GABRG2: variants seen among roughly 807,000 people sequenced by gnomAD.
GABRG2 encodes gamma-aminobutyric acid receptor subunit gamma-2.
Under a neutral mutation model 56.4 loss-of-function variants are expected in GABRG2, and 16 were observed. That is an observed-to-expected ratio of 0.28 (90% CI 0.19 to 0.43). GABRG2 has a LOEUF of 0.43. Among genes scored for constraint, GABRG2 ranks in the 20% least tolerant of loss-of-function variants. The pLI, the probability that GABRG2 is intolerant of heterozygous loss-of-function variation, is 1.00. For synonymous variants in GABRG2, 208 were observed against 205.5 expected, an observed-to-expected ratio of 1.01 and a Z score of -0.10; for missense variants, 327 against 582.7, an observed-to-expected ratio of 0.56 and a Z score of 4.52.
intron 7 of GABRG2, among the ~76,000 whole-genome samples, chr5:162,146,879 T>C (rs1764989351): frequency 6.6e-6 from 1 of 152,194 alleles, no homozygotes; most frequent in Non-Finnish European, 1.5e-5. Context: ...CAAGTACGTA[T>C]TTAGGAAACT....
At chr5:162,080,747 G>A (rs1413133220) in intron 1 of GABRG2, among the ~76,000 whole-genome samples, 1 of 152,074 alleles carries the variant, frequency 6.6e-6, no homozygotes, top group African/African-American at 2.4e-5. Context: ...TAACTCAAGT[G>A]CTGACTTTTA....
chr5:162,124,469 G>T (rs868655266), intron 6 of GABRG2, among the ~76,000 whole-genome samples: 6 of 151,784 alleles, frequency 4.0e-5, no homozygotes, highest in East Asian at 3.9e-4. Context: ...CATAGAATAG[G>T]TATGCCCTTT....
At chr5:162,144,054 A>T (rs1764775714) in intron 7 of GABRG2, among the ~76,000 whole-genome samples, 1 of 152,210 alleles carries the variant, frequency 6.6e-6, no homozygotes, top group African/African-American at 2.4e-5. Flanking sequence ...GTCTAATGCT[A>T]CACGCTGAAA....
At chr5:162,140,385 T>C (rs898420660) in intron 6 of GABRG2, among the ~76,000 whole-genome samples, 3 of 152,218 alleles carry the variant, frequency 2.0e-5, no homozygotes, top group African/African-American at 7.2e-5. Context: ...GGGGACAGTC[T>C]ACTCCCTCAA....
chr5:162,097,587 A>G, intron 3 of GABRG2, 51 bp from the exon 4 acceptor site: 1 of 1,326,628 alleles, frequency 7.5e-7, no homozygotes, highest in East Asian at 2.3e-5. Flanking sequence ...AATATTTAAA[A>G]AGATAATCTT....
rs568802462 is a variant in GABRG2, at chr5:162,074,572, GAATAT to G, written c.107+6472_107+6476del. On this transcript the variant is annotated intron_variant, in intron 1 of 9. Transcript: ENST00000639213. Reference sequence around the variant, plus strand: ...ATAAATAAAATGGCAAAAACAAGCTGAATATAATATGTCATTATAATCTTGATAGG... The same window carrying G: ...ATAAATAAAATGGCAAAAACAAGCTGAATATGTCATTATAATCTTGATAGG... 2.0e-4 allele frequency among the ~76,000 whole-genome samples: 31 copies of G among 152,038 alleles called. 1 individual carries two copies. The East Asian group carries it at 5.2e-3, about 26-fold the overall frequency.
rs561313363 is a variant in GABRG2, at chr5:162,118,378, T to G, written c.769+14352T>G. Among the ~76,000 whole-genome samples the G allele has an allele frequency of 1.3e-4, 20 of 152,238 alleles. 1 individual carries two copies. In the South Asian group the frequency reaches 3.7e-3, roughly 28 times the overall value. On this transcript the variant is annotated intron_variant, in intron 6 of 9. Coordinates refer to ENST00000639213, the MANE Select transcript of GABRG2 (RefSeq NM_198904.4). ...CTCTAACCTAATATGTCTAGTTTTC[T>G]TTTTATAGAAACAAGAGTGAGGTGG...
intron 6 of GABRG2, among the ~76,000 whole-genome samples, chr5:162,107,714 C>A (rs1316299686): frequency 1.3e-5 from 2 of 152,178 alleles, no homozygotes; most frequent in Admixed American, 1.3e-4. Context: ...ATAATTCCTT[C>A]CTGATTGTTC....
chr5:162,117,340 T>C (rs1301858043), intron 6 of GABRG2, among the ~76,000 whole-genome samples: 2 of 152,154 alleles, frequency 1.3e-5, no homozygotes, highest in African/African-American at 4.8e-5. Context: ...ACCAGAATCA[T>C]CTCCTTGTCA....
At chr5:162,143,987 T>G (rs557115189) in intron 7 of GABRG2, among the ~76,000 whole-genome samples, 3 of 152,334 alleles carry the variant, frequency 2.0e-5, no homozygotes, top group African/African-American at 7.2e-5. Flanking sequence ...ATTTTGATTT[T>G]TCCTGTTATA....
chr5:162,109,388 TAATATATATATATA>T (rs1762076674), intron 6 of GABRG2, among the ~76,000 whole-genome samples: 1 of 39,168 alleles, frequency 2.6e-5, no homozygotes, highest in African/African-American at 8.8e-5. Context: ...ACTTAAAGTA[TAATATATATATATA>T]TATATATATA....
Position 162,155,303 on chromosome 5 carries a change from A to G in GABRG2, c.*1935A>G, listed in dbSNP as rs765480194. The G allele has an allele frequency of 9.2e-5, 14 of 152,650 alleles. No homozygotes were observed. Among genetic ancestry groups the G allele is most frequent in the Non-Finnish European group, 1.6e-4 (11 of 68,014 alleles). The allele number at this position is 152,650 out of a possible 1,614,324, so 9.5% of individuals were successfully genotyped here. A position where few individuals can be genotyped will look rare whatever the true frequency, so the allele number is the denominator to read the frequency against. The stretch of plus-strand genomic sequence containing the variant: ...TTTGGGAGAGTTGTTGGCAAGTTTC[A>G]ATGGTGAGAAACATTATTGTCAACT... On this transcript the variant is annotated 3_prime_UTR_variant, in exon 10 of 10. Transcript: ENST00000639213.
intron 6 of GABRG2, among the ~76,000 whole-genome samples, chr5:162,125,803 G>T (rs533527439): frequency 6.6e-6 from 1 of 151,806 alleles, no homozygotes; most frequent in Non-Finnish European, 1.5e-5. Context: ...ATGAGGGAAG[G>T]TTATAAGGTC....
intron 6 of GABRG2, among the ~76,000 whole-genome samples, chr5:162,112,108 T>C (rs561387316): frequency 6.6e-6 from 1 of 152,104 alleles, no homozygotes; most frequent in African/African-American, 2.4e-5. Flanking sequence ...AATTCAAAAA[T>C]TGTTGAATCC....
chr5:162,078,754 A>G (rs116201524), intron 1 of GABRG2, among the ~76,000 whole-genome samples: 2,601 of 151,928 alleles, frequency 0.017, 94 homozygotes, highest in African/African-American at 0.06. Context: ...CAGAATTTTC[A>G]TCAGTGTGAT....
At chr5:162,094,259 AC>A (rs1200091758) in intron 2 of GABRG2, 6 of 427,814 alleles carry the variant, frequency 1.4e-5, no homozygotes, top group South Asian at 1.2e-4. Context: ...GAAAAAAAAA[AC>A]AATGACCCCT....
chr5:162,094,688 G>A (rs150167875), intron 2 of GABRG2: 1 of 152,458 alleles, frequency 6.6e-6, no homozygotes, highest in Non-Finnish European at 1.5e-5. Context: ...GAGAAGGCAA[G>A]GATGTGAATG....
At chr5:162,141,750 G>C (rs1457283914) in intron 6 of GABRG2, among the ~76,000 whole-genome samples, 1 of 152,116 alleles carries the variant, frequency 6.6e-6, no homozygotes, top group Admixed American at 6.5e-5. Flanking sequence ...TTTTTATAAA[G>C]ATTTTGTCCT....
intron 1 of GABRG2, among the ~76,000 whole-genome samples, chr5:162,078,877 T>G (rs962134091): frequency 6.6e-6 from 1 of 151,740 alleles, no homozygotes; most frequent in South Asian, 2.1e-4. Context: ...TTTTAAAGCC[T>G]GAAATAATAA....
Sources: allele counts gnomAD v4.1 joint callset (sites outside exome capture counted in the v4.1 genomes callset), GRCh38; gene constraint gnomAD v4.1.1; transcripts MANE v1.5; gene names NCBI Gene and HGNC (gene_info 2026-07-23, HGNC 2026-07-21).